The following UNC5C variants were observed in gnomAD, a reference collection of about 807,000 sequenced individuals.
UNC5C encodes the protein unc-5 netrin receptor C.
In UNC5C, 47 loss-of-function variants were observed where a neutral mutation model predicts 99.8. That is an observed-to-expected ratio of 0.47 (90% CI 0.37 to 0.60). The LOEUF (loss-of-function observed/expected upper bound fraction) is 0.60, where lower values mean the gene tolerates loss of function less well. Ranked by LOEUF, UNC5C falls within the 20% of genes least tolerant of loss-of-function variation. UNC5C has a pLI of 0.00. For missense variants in UNC5C, 1,062 were observed against 1,165.9 expected, an observed-to-expected ratio of 0.91 and a Z score of 1.30; for synonymous variants, 487 against 452.2, an observed-to-expected ratio of 1.08 and a Z score of -0.98.
At position 95,407,882 on chromosome 4, in the gene UNC5C, A is replaced by G. The variant is rs1355586888; in HGVS notation, c.125-72251T>C. On this transcript the variant is annotated intron_variant, in intron 1 of 15. Coordinates refer to ENST00000453304, the MANE Select transcript of UNC5C (RefSeq NM_003728.4). ...TTGCAATTTGCAATAGTTGAAAGTC[A>G]ATCACAGATGGCTAAAAATGTTAAG... 2.0e-5 allele frequency among the ~76,000 whole-genome samples: 3 copies of G among 152,196 alleles called. No individual in the cohort carries two copies. The East Asian group carries it at 5.8e-4, about 29-fold the overall frequency.
intron 1 of UNC5C, among the ~76,000 whole-genome samples, chr4:95,539,368 C>T (rs1231507473): frequency 6.6e-6 from 1 of 152,118 alleles, no homozygotes; most frequent in African/African-American, 2.4e-5. Context: ...TCAGATAAGC[C>T]ACTGCACTAA....
chr4:95,457,102 C>G (rs1747454160), intron 1 of UNC5C, among the ~76,000 whole-genome samples: 1 of 152,060 alleles, frequency 6.6e-6, no homozygotes, highest in African/African-American at 2.4e-5. Context: ...AATACCTTTA[C>G]CTATATGTTT....
chr4:95,510,894 C>T (rs1410104718), intron 1 of UNC5C, among the ~76,000 whole-genome samples: 1 of 152,094 alleles, frequency 6.6e-6, no homozygotes, highest in East Asian at 1.9e-4. Flanking sequence ...GAACAGGATC[C>T]ACATATGAAG....
At chr4:95,402,967 C>A (rs1324626644) in intron 1 of UNC5C, among the ~76,000 whole-genome samples, 2 of 152,024 alleles carry the variant, frequency 1.3e-5, no homozygotes, top group Non-Finnish European at 2.9e-5. Flanking sequence ...GATACTATTT[C>A]TTTAAAAATA....
Position 95,301,564 on chromosome 4 carries a change from TCAA to T in UNC5C, c.490+39_490+41del, listed in dbSNP as rs763492997. Reference sequence around the variant, plus strand: ...CAGTGTAAACTTTCCCTTATGTGTATCAACTTCTGAGACCCAAGGTGCTTATTG... The same window carrying T: ...CAGTGTAAACTTTCCCTTATGTGTATCTTCTGAGACCCAAGGTGCTTATTG... On this transcript the variant is annotated intron_variant, in intron 3 of 15. Transcript: ENST00000453304. 4.3e-6 allele frequency: 7 copies of T among 1,612,174 alleles called. No homozygotes were observed. In the African/African-American group the frequency reaches 9.4e-5, roughly 22 times the overall value.
intron 1 of UNC5C, among the ~76,000 whole-genome samples, chr4:95,429,280 TAAA>T (rs112203195): frequency 2.6e-4 from 25 of 94,944 alleles, no homozygotes; most frequent in Middle Eastern, 5.9e-3. Context: ...TAGTGATTCT[TAAA>T]AAAAAAAAAA....
chr4:95,363,562 T>C (rs1003771210), intron 1 of UNC5C, among the ~76,000 whole-genome samples: 1 of 151,634 alleles, frequency 6.6e-6, no homozygotes, highest in African/African-American at 2.4e-5. Flanking sequence ...TAGTGATTAA[T>C]TGCACTCTAT....
intron 1 of UNC5C, among the ~76,000 whole-genome samples, chr4:95,516,636 G>A (rs529666661): frequency 6.6e-6 from 1 of 152,202 alleles, no homozygotes; most frequent in East Asian, 1.9e-4. Flanking sequence ...AGGGAGTAAT[G>A]GATTTGCAAA....
At chr4:95,460,023 T>C (rs1010977840) in intron 1 of UNC5C, among the ~76,000 whole-genome samples, 5 of 152,074 alleles carry the variant, frequency 3.3e-5, no homozygotes, top group Non-Finnish European at 7.4e-5. Context: ...AGGTACTTAA[T>C]TCAGATTCCA....
intron 1 of UNC5C, among the ~76,000 whole-genome samples, chr4:95,464,662 T>A (rs1485130467): frequency 6.6e-6 from 1 of 152,218 alleles, no homozygotes; most frequent in Non-Finnish European, 1.5e-5. Flanking sequence ...TAATTTCATA[T>A]CTATTTGTAA....
intron 4 of UNC5C, among the ~76,000 whole-genome samples, chr4:95,261,568 T>C (rs529121051): frequency 6.6e-6 from 1 of 152,278 alleles, no homozygotes; most frequent in African/African-American, 2.4e-5. Flanking sequence ...ACACTGCAGA[T>C]AAAGAGGAGT....
intron 10 of UNC5C, 106 bp from the exon 11 acceptor site, chr4:95,206,902 C>CTTTTTTT: frequency 2.0e-6 from 1 of 510,496 alleles, no homozygotes; most frequent in African/African-American, 2.3e-5. Flanking sequence ...TCCTGGAATT[C>CTTTTTTT]TTTTTTTTTT....
At chr4:95,354,479 A>ATATATATATTTTTTTTTTTT in intron 1 of UNC5C, among the ~76,000 whole-genome samples, 8 of 110,352 alleles carry the variant, frequency 7.2e-5, no homozygotes, top group African/African-American at 2.8e-4. Flanking sequence ...ATATATATAT[A>ATATATATATTTTTTTTTTTT]TTTTTTTTTT....
chr4:95,335,051 C>T (rs192063330), intron 2 of UNC5C, among the ~76,000 whole-genome samples: 1 of 151,946 alleles, frequency 6.6e-6, no homozygotes, highest in Non-Finnish European at 1.5e-5. Context: ...GTTAAAAATG[C>T]TCCCCAGATC....
At chr4:95,415,821 G>A (rs187087985) in intron 1 of UNC5C, among the ~76,000 whole-genome samples, 1 of 151,998 alleles carries the variant, frequency 6.6e-6, no homozygotes, top group African/African-American at 2.4e-5. Flanking sequence ...GGCGTTAAAT[G>A]GCAACCCTAA....
chr4:95,286,081 A>C (rs1431137597), intron 3 of UNC5C, among the ~76,000 whole-genome samples: 1 of 152,206 alleles, frequency 6.6e-6, no homozygotes, highest in South Asian at 2.1e-4. Flanking sequence ...AATTCTAAGC[A>C]CATGCCTAGC....
At chr4:95,194,384 G>A (rs1353720313) in intron 12 of UNC5C, among the ~76,000 whole-genome samples, 1 of 152,090 alleles carries the variant, frequency 6.6e-6, no homozygotes, top group Admixed American at 6.6e-5. Context: ...CTAACATAGT[G>A]ACTTAAAAAA....
rs151068767 is a variant in UNC5C at position 95,509,777 on chromosome 4, T to C, written c.124+38957A>G. 6.5e-3 allele frequency among the ~76,000 whole-genome samples: 990 copies of C among 151,984 alleles called. 13 individuals carry two copies. The highest frequency in any genetic ancestry group is 0.022 in the African/African-American group (924 of 41,532). On this transcript the variant is annotated intron_variant, in intron 1 of 15. Transcript: ENST00000453304. The stretch of plus-strand genomic sequence containing the variant: ...CAGGCCATTTTAATTCAAATAATTA[T>C]TTGCATAATAGTAATCAAATATAAA...
At chr4:95,235,532 G>C (rs1002424014) in intron 7 of UNC5C, among the ~76,000 whole-genome samples, 1 of 152,100 alleles carries the variant, frequency 6.6e-6, no homozygotes, top group South Asian at 2.1e-4. Context: ...CATTGCTTTT[G>C]GTGTTTTAGT....
Sources: allele counts gnomAD v4.1 joint callset (sites outside exome capture counted in the v4.1 genomes callset), GRCh38; gene constraint gnomAD v4.1.1; transcripts MANE v1.5; gene names NCBI Gene and HGNC (gene_info 2026-07-23, HGNC 2026-07-21).